The following TNS3 variants were observed in gnomAD, a reference collection of about 807,000 sequenced individuals.
TNS3 encodes the protein tensin 3, also known as tensin-3.
TNS3 carries 45 observed loss-of-function variants against 140.9 expected under a neutral mutation model. The ratio of observed to expected loss-of-function variants is 0.32; its 90% CI spans 0.25 to 0.41. TNS3 has a LOEUF of 0.41. Among genes scored for constraint, TNS3 ranks in the 10% least tolerant of loss-of-function variants. TNS3 has a pLI of 1.00. For missense variants in TNS3, 1,716 were observed against 1,906.7 expected, an observed-to-expected ratio of 0.90 and a Z score of 1.86; for synonymous variants, 815 against 788.4, an observed-to-expected ratio of 1.03 and a Z score of -0.56.
rs886080817 is a variant in TNS3 at position 47,438,678 on chromosome 7, G to A, written c.150+809C>T. On this transcript the variant is annotated intron_variant, in intron 6 of 30. Transcript: ENST00000311160. ...GGCCAGGGCTGCTCTGGCATCAGAC[G>A]GAGGCCACATCCTACTCTGCCACTT... 1.4e-3 allele frequency among the ~76,000 whole-genome samples: 211 copies of A among 152,264 alleles called. 2 individuals carry two copies. Among genetic ancestry groups the A allele is most frequent in the African/African-American group, 3.9e-3 (161 of 41,568 alleles).
chr7:47,497,697 A>ACACACACACACACACACACACACACG (rs139313048), intron 3 of TNS3, among the ~76,000 whole-genome samples: 1 of 148,408 alleles, frequency 6.7e-6, no homozygotes, highest in African/African-American at 2.5e-5. Flanking sequence ...ACACACACAC[A>ACACACACACACACACACACACACACG]GAGCAGGAAA....
At chr7:47,568,073 C>A (rs543903037) in intron 1 of TNS3, among the ~76,000 whole-genome samples, 1 of 152,328 alleles carries the variant, frequency 6.6e-6, no homozygotes, top group South Asian at 2.1e-4. Flanking sequence ...TGGGAGCTCC[C>A]CCAAGACCCT....
intron 4 of TNS3, among the ~76,000 whole-genome samples, chr7:47,460,240 AGAG>A (rs1315827920): frequency 6.1e-5 from 9 of 148,382 alleles, no homozygotes; most frequent in South Asian, 2.1e-4. Context: ...AAAAAAAAGA[AGAG>A]GAGATTAGGA....
intron 1 of TNS3, among the ~76,000 whole-genome samples, chr7:47,573,776 T>C (rs998013302): frequency 2.6e-5 from 4 of 152,176 alleles, no homozygotes; most frequent in Admixed American, 6.5e-5. Flanking sequence ...TGCCTCCTCC[T>C]TGAGCCCCCA....
chr7:47,482,501 G>T (rs1797458271), intron 3 of TNS3, among the ~76,000 whole-genome samples: 1 of 152,202 alleles, frequency 6.6e-6, no homozygotes, highest in Non-Finnish European at 1.5e-5. Flanking sequence ...AACAGCTTTG[G>T]AAACAGAAGG....
At chr7:47,383,408 C>T (rs941402485) in intron 16 of TNS3, among the ~76,000 whole-genome samples, 5 of 152,112 alleles carry the variant, frequency 3.3e-5, no homozygotes, top group Non-Finnish European at 7.4e-5. Context: ...CTGGGAGTGA[C>T]CACTAATGAG....
At chr7:47,487,656 T>A (rs1291094869) in intron 3 of TNS3, among the ~76,000 whole-genome samples, 2 of 152,198 alleles carry the variant, frequency 1.3e-5, no homozygotes. Context: ...GGCCAGCCAC[T>A]GACCTTGCCA....
chr7:47,427,452 A>G (rs1183209595), intron 9 of TNS3, among the ~76,000 whole-genome samples: 2 of 152,208 alleles, frequency 1.3e-5, no homozygotes, highest in African/African-American at 4.8e-5. Flanking sequence ...ATTTCCTCAG[A>G]ATGGAAAGTT....
At chr7:47,570,111 T>C (rs1168289576) in intron 1 of TNS3, among the ~76,000 whole-genome samples, 2 of 151,750 alleles carry the variant, frequency 1.3e-5, no homozygotes, top group African/African-American at 2.4e-5. Flanking sequence ...GATCACTCCA[T>C]TGCACTCCAG....
At chr7:47,451,377 C>A (rs1383643901) in intron 4 of TNS3, among the ~76,000 whole-genome samples, 1 of 152,110 alleles carries the variant, frequency 6.6e-6, no homozygotes, top group South Asian at 2.1e-4. Flanking sequence ...GCCAGGAGTT[C>A]GAGACCAACC....
At chr7:47,547,138 A>G (rs685593) in intron 1 of TNS3, among the ~76,000 whole-genome samples, 151,454 of 152,334 alleles carry the variant, frequency 0.99, 75,297 homozygotes, top group East Asian at 1. Flanking sequence ...CCAAGGAGGC[A>G]GTGGACCCTC....
intron 1 of TNS3, among the ~76,000 whole-genome samples, chr7:47,575,617 C>T (rs1447913045): frequency 1.3e-5 from 2 of 151,968 alleles, no homozygotes; most frequent in Non-Finnish European, 2.9e-5. Flanking sequence ...AGATCGAGAC[C>T]ATTCTGGCTA....
intron 23 of TNS3, among the ~76,000 whole-genome samples, chr7:47,298,378 ATC>A (rs933486891): frequency 2.0e-5 from 3 of 152,072 alleles, no homozygotes; most frequent in Admixed American, 6.5e-5. Context: ...GCTTCAAAAA[ATC>A]TCTCTCCTTC....
At chr7:47,329,292 C>T (rs899854015) in intron 20 of TNS3, among the ~76,000 whole-genome samples, 3 of 152,188 alleles carry the variant, frequency 2.0e-5, no homozygotes, top group African/African-American at 7.2e-5. Context: ...GCTGGTGTGT[C>T]ACCCCTTCCC....
intron 4 of TNS3, among the ~76,000 whole-genome samples, chr7:47,463,120 T>A (rs1796557184): frequency 6.6e-6 from 1 of 152,136 alleles, no homozygotes; most frequent in Non-Finnish European, 1.5e-5. Context: ...TCCTGCGAGC[T>A]CTAGTCACAG....
At chr7:47,425,986 T>C (rs1794625378) in intron 9 of TNS3, among the ~76,000 whole-genome samples, 1 of 152,060 alleles carries the variant, frequency 6.6e-6, no homozygotes, top group East Asian at 1.9e-4. Context: ...ATGGCAAGCT[T>C]TGCAGTAGAA....
At chr7:47,316,560 T>G (rs1007012176) in intron 20 of TNS3, among the ~76,000 whole-genome samples, 14 of 151,420 alleles carry the variant, frequency 9.2e-5, no homozygotes, top group Non-Finnish European at 1.3e-4. Flanking sequence ...TTTTGTTTTT[T>G]TTTTTTAAAG....
chr7:47,285,663 A>T (rs543948035), intron 27 of TNS3, among the ~76,000 whole-genome samples: 2 of 152,336 alleles, frequency 1.3e-5, no homozygotes, highest in Admixed American at 6.5e-5. Context: ...GGCGATATTT[A>T]TCAGGTGGAT....
chr7:47,539,577 T>G (rs1407569099), intron 1 of TNS3: 1 of 169,694 alleles, frequency 5.9e-6, no homozygotes, highest in Non-Finnish European at 1.3e-5. Context: ...CACTTGGGGC[T>G]TCTCCCAAGG....
Sources: gnomAD v4.1 joint callset for allele counts (sites outside exome capture counted in the v4.1 genomes callset) on GRCh38, gnomAD v4.1.1 for gene constraint, MANE v1.5 for transcripts, NCBI Gene and HGNC (gene_info 2026-07-23, HGNC 2026-07-21) for gene names.